Variants in SPESP1 observed in about 807,000 individuals in gnomAD.
SPESP1 encodes the protein equatorial segment protein.
SPESP1 carries 1 observed loss-of-function variant against 3.1 expected under a neutral mutation model. The ratio of observed to expected loss-of-function variants is 0.33; its 90% confidence interval spans 0.12 to 1.54. The LOEUF (loss-of-function observed/expected upper bound fraction) is 1.54, where lower values mean the gene tolerates loss of function less well. Among genes scored for constraint, SPESP1 ranks in the 40% most tolerant of loss-of-function variants. SPESP1 has a pLI of 0.38. For missense variants in SPESP1, 398 were observed against 410.1 expected, an observed-to-expected ratio of 0.97 and a Z score of 0.26; for synonymous variants, 138 against 150.7, an observed-to-expected ratio of 0.92 and a Z score of 0.62.
intron 1 of SPESP1, among the ~76,000 whole-genome samples, chr15:68,943,601 A>C (rs1222584525): frequency 4.6e-5 from 7 of 152,158 alleles, no homozygotes. Flanking sequence ...TAAATGCAGA[A>C]CTTCCACCTC....
intron 1 of SPESP1, among the ~76,000 whole-genome samples, chr15:68,938,588 C>G (rs1274335624): frequency 6.6e-6 from 1 of 152,104 alleles, no homozygotes. Context: ...GTTGACAGCA[C>G]AATTTCGGAT....
At position 68,946,696 on chromosome 15, in the gene SPESP1, G is replaced by T; in HGVS notation, c.*109G>T. ...AATCATATTCGTAATTTCAAAAGTT[G>T]TATAAAAATATTTTCTATTGTAGTT... On this transcript the variant is annotated 3_prime_UTR_variant, in exon 2 of 2. Coordinates refer to ENST00000310673, the MANE Select transcript of SPESP1 (RefSeq NM_145658.4). The T allele has an allele frequency of 2.4e-6, 3 of 1,238,446 alleles. No homozygotes were observed. The highest frequency in any genetic ancestry group is 3.1e-6 in the Non-Finnish European group (3 of 971,206). The allele number at this position is 1,238,446 out of a possible 1,614,324, so 76.7% of individuals were successfully genotyped here.
chr15:68,935,070 G>A (rs1216178877), intron 1 of SPESP1, among the ~76,000 whole-genome samples: 2 of 152,064 alleles, frequency 1.3e-5, no homozygotes, highest in East Asian at 1.9e-4. Context: ...AAGTGCCTGC[G>A]ATACATACTA....
At chr15:68,940,189 G>A (rs1311362223) in intron 1 of SPESP1, among the ~76,000 whole-genome samples, 1 of 152,098 alleles carries the variant, frequency 6.6e-6, no homozygotes, top group African/African-American at 2.4e-5. Flanking sequence ...CTTTAGTGGT[G>A]ATTTCTAGCT....
chr15:68,941,398 A>C (rs1024710985), intron 1 of SPESP1, among the ~76,000 whole-genome samples: 1 of 152,212 alleles, frequency 6.6e-6, no homozygotes, highest in Non-Finnish European at 1.5e-5. Flanking sequence ...GCAAAAATTT[A>C]TTCTCACAGT....
At chr15:68,943,272 T>C (rs1895875895) in intron 1 of SPESP1, among the ~76,000 whole-genome samples, 1 of 152,204 alleles carries the variant, frequency 6.6e-6, no homozygotes, top group African/African-American at 2.4e-5. Context: ...TATGATACTA[T>C]GTGAGTGATT....
Position 68,943,678 on chromosome 15 carries a change from T to C in SPESP1, c.65-1921T>C, listed in dbSNP as rs1595722401. On this transcript the variant is annotated intron_variant, in intron 1 of 1. Transcript: ENST00000310673. ...TTGTTTGGGGCTCTTTTCTGATGGC[T>C]GTTCTGTTCAAAACCAATCTATTCT... 5.3e-5 allele frequency among the ~76,000 whole-genome samples: 8 copies of C among 152,294 alleles called. No individual in the cohort carries two copies. The South Asian group carries it at 1.7e-3, about 32-fold the overall frequency.
Position 68,945,861 on chromosome 15 carries a change from A to T in SPESP1, c.327A>T (p.Glu109Asp). ...TTFPTGGFTP[E>D]IGKKKHTEST... ...TCCCTACAGGAGGCTTCACACCGGA[A>T]ATAGGAAAGAAAAAACACACGGAAA... Residue 109 changes from glutamate to aspartate, a missense_variant, in exon 2 of 2, where the codon GAA (glutamate) becomes GAT (aspartate). Coordinates refer to ENST00000310673, the MANE Select transcript of SPESP1 (RefSeq NM_145658.4). 6.2e-7 allele frequency: 1 copy of T among 1,614,176 alleles called. No individual in the cohort carries two copies. Among genetic ancestry groups the T allele is most frequent in the Non-Finnish European group, 8.5e-7 (1 of 1,180,028 alleles).
intron 1 of SPESP1, among the ~76,000 whole-genome samples, chr15:68,930,998 C>T (rs1895520710): frequency 6.6e-6 from 1 of 152,238 alleles, no homozygotes; most frequent in East Asian, 1.9e-4. Context: ...CTCTGCCCAC[C>T]CGATCCTTCC....
At chr15:68,934,306 C>T (rs1397910507) in intron 1 of SPESP1, among the ~76,000 whole-genome samples, 1 of 152,074 alleles carries the variant, frequency 6.6e-6, no homozygotes, top group Non-Finnish European at 1.5e-5. Context: ...GTAAGGGAAA[C>T]AATAAGGCAG....
chr15:68,941,999 AC>A (rs986377258), intron 1 of SPESP1, among the ~76,000 whole-genome samples: 1 of 151,962 alleles, frequency 6.6e-6, no homozygotes. Flanking sequence ...TAATTCTTGT[AC>A]TTTTATACAG....
At chr15:68,943,335 T>C (rs190683674) in intron 1 of SPESP1, among the ~76,000 whole-genome samples, 1 of 152,298 alleles carries the variant, frequency 6.6e-6, no homozygotes, top group Non-Finnish European at 1.5e-5. Flanking sequence ...TGCTTTCTTT[T>C]TCACTTATCA....
At chr15:68,938,594 C>T (rs1011022570) in intron 1 of SPESP1, among the ~76,000 whole-genome samples, 2 of 152,074 alleles carry the variant, frequency 1.3e-5, no homozygotes, top group Non-Finnish European at 2.9e-5. Context: ...AGCACAATTT[C>T]GGATACTATA....
chr15:68,933,009 G>A (rs1179779150), intron 1 of SPESP1, among the ~76,000 whole-genome samples: 2 of 150,936 alleles, frequency 1.3e-5, no homozygotes, highest in East Asian at 2.0e-4. Context: ...ACCAAAATGC[G>A]TATATCATTG....
Position 68,937,113 on chromosome 15 carries a change from A to T in SPESP1, c.64+6396A>T, listed in dbSNP as rs142723893. Among the ~76,000 whole-genome samples the T allele has an allele frequency of 3.5e-3, 536 of 152,302 alleles. 3 individuals are homozygous for T. The highest frequency in any genetic ancestry group is 0.012 in the African/African-American group (518 of 41,576). On this transcript the variant is annotated intron_variant, in intron 1 of 1. Transcript: ENST00000310673. ...TTTAGACTAACAGATTTATTTTTAA[A>T]CATAACATGAAGTCTAGTTTTCTTC...
intron 1 of SPESP1, among the ~76,000 whole-genome samples, chr15:68,936,357 C>T (rs554170612): frequency 5.9e-4 from 90 of 152,334 alleles, no homozygotes; most frequent in Non-Finnish European, 1.1e-3. Context: ...TGTGTATCTA[C>T]ACAATGAAAT....
chr15:68,936,897 A>G (rs1895695489), intron 1 of SPESP1, among the ~76,000 whole-genome samples: 2 of 152,202 alleles, frequency 1.3e-5, no homozygotes, highest in East Asian at 1.9e-4. Flanking sequence ...CTATTTCACC[A>G]TGATGTTTAT....
At chr15:68,941,590 A>C (rs1895825462) in intron 1 of SPESP1, among the ~76,000 whole-genome samples, 1 of 151,690 alleles carries the variant, frequency 6.6e-6, no homozygotes, top group Non-Finnish European at 1.5e-5. Flanking sequence ...CCTCCACATT[A>C]CCTCTTCCTC....
At chr15:68,930,845 G>A in intron 1 of SPESP1, 128 bp downstream of exon 1, 1 of 1,454,716 alleles carries the variant, frequency 6.9e-7, no homozygotes, top group Non-Finnish European at 9.4e-7. Context: ...ACTGTCCGGG[G>A]TCCTGGCCTC....
Sources: allele counts gnomAD v4.1 joint callset (sites outside exome capture counted in the v4.1 genomes callset), GRCh38; gene constraint gnomAD v4.1.1; transcripts MANE v1.5; gene names NCBI Gene and HGNC (gene_info 2026-07-23, HGNC 2026-07-21).